The following ZNF385B variants were observed in gnomAD, a reference collection of about 807,000 sequenced individuals.
ZNF385B encodes zinc finger protein 533.
Under a neutral mutation model 39.2 loss-of-function variants are expected in ZNF385B, and 23 were observed. The ratio of observed to expected loss-of-function variants is 0.59; its 90% CI spans 0.42 to 0.83. ZNF385B has a LOEUF of 0.83. Among genes scored for constraint, ZNF385B ranks in the 40% least tolerant of loss-of-function variants. ZNF385B has a pLI of 0.00. For synonymous variants in ZNF385B, 205 were observed against 222.6 expected, an observed-to-expected ratio of 0.92 and a Z score of 0.70; for missense variants, 552 against 598.9, an observed-to-expected ratio of 0.92 and a Z score of 0.82.
At chr2:179,697,505 T>C (rs1044394848) in intron 3 of ZNF385B, among the ~76,000 whole-genome samples, 1 of 152,202 alleles carries the variant, frequency 6.6e-6, no homozygotes, top group African/African-American at 2.4e-5. Flanking sequence ...CATGCTGAAC[T>C]GTGAGTCAGT....
intron 3 of ZNF385B, among the ~76,000 whole-genome samples, chr2:179,572,491 C>T (rs948602479): frequency 1.3e-5 from 2 of 151,922 alleles, no homozygotes; most frequent in African/African-American, 2.4e-5. Context: ...ATCATAGTAA[C>T]CTATGTGAGA....
intron 1 of ZNF385B, among the ~76,000 whole-genome samples, chr2:179,837,333 T>C (rs939870182): frequency 2.6e-5 from 4 of 152,240 alleles, no homozygotes; most frequent in South Asian, 2.1e-4. Context: ...ATTTCTTTTA[T>C]ATTTTTGGTA....
chr2:179,480,697 C>CT (rs34013544), intron 6 of ZNF385B, among the ~76,000 whole-genome samples: 40,709 of 146,544 alleles, frequency 0.28, 5,623 homozygotes, highest in East Asian at 0.44. Context: ...AAATGCACTC[C>CT]TTTTTTTTTT....
chr2:179,654,780 T>C (rs1428041388), intron 3 of ZNF385B, among the ~76,000 whole-genome samples: 1 of 152,160 alleles, frequency 6.6e-6, no homozygotes, highest in African/African-American at 2.4e-5. Context: ...TTCATTGAAA[T>C]GGCATTAAGT....
intron 1 of ZNF385B, among the ~76,000 whole-genome samples, chr2:179,834,532 G>A (rs570412031): frequency 2.5e-3 from 374 of 152,184 alleles, no homozygotes; most frequent in Non-Finnish European, 4.2e-3. Flanking sequence ...ATTTTAAAAC[G>A]AAAGACGGGG....
intron 3 of ZNF385B, among the ~76,000 whole-genome samples, chr2:179,648,737 G>C (rs978464270): frequency 1.3e-5 from 2 of 152,128 alleles, no homozygotes; most frequent in Non-Finnish European, 1.5e-5. Flanking sequence ...GAGTCAAAAG[G>C]ACACAGGAGG....
At chr2:179,839,264 C>T (rs1708422016) in intron 1 of ZNF385B, among the ~76,000 whole-genome samples, 1 of 152,138 alleles carries the variant, frequency 6.6e-6, no homozygotes, top group Admixed American at 6.5e-5. Context: ...AATTAACCTC[C>T]CAACATACCT....
chr2:179,691,124 T>C (rs1235952164), intron 3 of ZNF385B, among the ~76,000 whole-genome samples: 1 of 152,200 alleles, frequency 6.6e-6, no homozygotes, highest in Non-Finnish European at 1.5e-5. Flanking sequence ...CCAAATCACA[T>C]TGATTTGTGC....
At chr2:179,477,200 T>C (rs935115058) in intron 6 of ZNF385B, among the ~76,000 whole-genome samples, 3 of 152,134 alleles carry the variant, frequency 2.0e-5, no homozygotes, top group Non-Finnish European at 2.9e-5. Context: ...GGGGAACCCA[T>C]AAAAATGATG....
chr2:179,836,742 T>G (rs189819066), intron 1 of ZNF385B, among the ~76,000 whole-genome samples: 1 of 151,802 alleles, frequency 6.6e-6, no homozygotes, highest in East Asian at 1.9e-4. Flanking sequence ...ATGGTCTCGA[T>G]CTCCTGACCT....
chr2:179,854,048 T>C (rs547303163), intron 1 of ZNF385B, among the ~76,000 whole-genome samples: 1 of 152,184 alleles, frequency 6.6e-6, no homozygotes, highest in Non-Finnish European at 1.5e-5. Context: ...GAAAATTTCA[T>C]ATATATAAAA....
At chr2:179,844,633 A>G (rs1408293758) in intron 1 of ZNF385B, among the ~76,000 whole-genome samples, 2 of 152,222 alleles carry the variant, frequency 1.3e-5, no homozygotes, top group African/African-American at 4.8e-5. Flanking sequence ...TTGTTCAGCC[A>G]AAAGAATTAT....
chr2:179,581,811 G>C lies in ZNF385B; in HGVS notation c.299-36842C>G, dbSNP rs189816268. 1.8e-4 allele frequency among the ~76,000 whole-genome samples: 28 copies of C among 152,290 alleles called. No homozygotes were observed. In the East Asian group the frequency reaches 1.9e-3, roughly 11 times the overall value. On this transcript the variant is annotated intron_variant, in intron 3 of 9. Coordinates refer to ENST00000410066, the MANE Select transcript of ZNF385B (RefSeq NM_152520.6). Reference sequence around the variant, plus strand: ...CCAGGTCATGCCCTTAGAAAGGTGTGTTTCCTCCTTTTTTCCTTCCTGTAA... The same window carrying C: ...CCAGGTCATGCCCTTAGAAAGGTGTCTTTCCTCCTTTTTTCCTTCCTGTAA...
rs372141655 is a variant in ZNF385B, at chr2:179,615,475, C to T, written c.299-70506G>A. Among the ~76,000 whole-genome samples the T allele has an allele frequency of 6.6e-5, 10 of 152,272 alleles. No individual in the cohort carries two copies. The East Asian group carries it at 1.5e-3, about 23-fold the overall frequency. On this transcript the variant is annotated intron_variant, in intron 3 of 9. Coordinates refer to ENST00000410066, the MANE Select transcript of ZNF385B (RefSeq NM_152520.6). ...TGTTTTAACAAGTCCTCTAAGTAAT[C>T]CTGATGCAGACTAATGTTTGAAAAC...
intron 3 of ZNF385B, among the ~76,000 whole-genome samples, chr2:179,747,359 A>T (rs558762472): frequency 1.3e-4 from 20 of 152,258 alleles, no homozygotes; most frequent in African/African-American, 4.8e-4. Flanking sequence ...GTGTGCGTAT[A>T]CATATACCTA....
At chr2:179,812,429 G>A (rs750717913) in intron 1 of ZNF385B, among the ~76,000 whole-genome samples, 1 of 152,110 alleles carries the variant, frequency 6.6e-6, no homozygotes, top group Non-Finnish European at 1.5e-5. Context: ...AAGAAACGCG[G>A]TACACATACA....
intron 1 of ZNF385B, among the ~76,000 whole-genome samples, chr2:179,848,655 C>G (rs1708924302): frequency 6.6e-6 from 1 of 152,186 alleles, no homozygotes; most frequent in Admixed American, 6.5e-5. Flanking sequence ...TCCTCAGTAA[C>G]ATTTGTGTCT....
At chr2:179,462,345 A>C (rs528754852) in intron 6 of ZNF385B, among the ~76,000 whole-genome samples, 2 of 152,332 alleles carry the variant, frequency 1.3e-5, no homozygotes, top group South Asian at 4.1e-4. Context: ...CCAATTGTGC[A>C]GTCTTGTGAG....
chr2:179,594,704 T>C (rs1405090866), intron 3 of ZNF385B, among the ~76,000 whole-genome samples: 1 of 152,130 alleles, frequency 6.6e-6, no homozygotes, highest in Non-Finnish European at 1.5e-5. Flanking sequence ...TGCCAAAACA[T>C]GCTTGTAAGT....
Sources: gnomAD v4.1 joint callset for allele counts (sites outside exome capture counted in the v4.1 genomes callset) on GRCh38, gnomAD v4.1.1 for gene constraint, MANE v1.5 for transcripts, NCBI Gene and HGNC (gene_info 2026-07-23, HGNC 2026-07-21) for gene names.